The following CRHR1 variants were observed in gnomAD, a reference collection of about 807,000 sequenced individuals.
CRHR1 encodes the protein corticotropin releasing hormone receptor 1.
A neutral mutation model predicts 56.0 loss-of-function variants in CRHR1; 28 were observed. The ratio of observed to expected loss-of-function variants is 0.50; its 90% CI spans 0.37 to 0.69. The LOEUF is 0.69. CRHR1 is among the 30% of genes least tolerant of loss of function. The pLI is 0.00. For synonymous variants in CRHR1, 195 were observed against 216.5 expected, an observed-to-expected ratio of 0.90 and a Z score of 0.87; for missense variants, 376 against 548.0, an observed-to-expected ratio of 0.69 and a Z score of 3.13.
At chr17:45,817,230 G>A (rs995606053) in intron 3 of CRHR1, among the ~76,000 whole-genome samples, 22 of 151,102 alleles carry the variant, frequency 1.5e-4, no homozygotes, top group Admixed American at 8.5e-4. Flanking sequence ...CTGCTATTCC[G>A]CCTGCCACTC....
chr17:45,820,020 G>A (rs1231419703), intron 3 of CRHR1, among the ~76,000 whole-genome samples: 2 of 152,188 alleles, frequency 1.3e-5, no homozygotes, highest in East Asian at 1.9e-4. Context: ...CAGTCATGCA[G>A]CACGGCAGCA....
intron 4 of CRHR1, among the ~76,000 whole-genome samples, chr17:45,828,479 G>A (rs2062216281): frequency 6.6e-6 from 1 of 152,206 alleles, no homozygotes; most frequent in Non-Finnish European, 1.5e-5. Flanking sequence ...ACCACTCTTG[G>A]AACTCAAGAT....
intron 4 of CRHR1, among the ~76,000 whole-genome samples, chr17:45,823,495 C>T (rs1260930743): frequency 6.6e-6 from 1 of 150,814 alleles, no homozygotes; most frequent in Non-Finnish European, 1.5e-5. Flanking sequence ...GCAACCTCCA[C>T]CTCCCTGGTT....
chr17:45,829,615 T>C, intron 5 of CRHR1: 1 of 1,550,858 alleles, frequency 6.4e-7, no homozygotes, highest in Non-Finnish European at 8.7e-7. Context: ...AGGTGGGGGC[T>C]CCATGGAGTG....
At chr17:45,821,480 G>C in intron 4 of CRHR1, 40 bp downstream of exon 4, 3 of 1,567,200 alleles carry the variant, frequency 1.9e-6, no homozygotes, top group Non-Finnish European at 2.6e-6. Context: ...ATGGAGGGGA[G>C]TCCAGGGTCC....
chr17:45,820,743 C>T (rs2062022433), intron 3 of CRHR1, among the ~76,000 whole-genome samples: 1 of 152,172 alleles, frequency 6.6e-6, no homozygotes, highest in South Asian at 2.1e-4. Context: ...CCAACACAGG[C>T]CCGCTATGGG....
At chr17:45,792,470 A>C (rs2061443823) in intron 1 of CRHR1, among the ~76,000 whole-genome samples, 1 of 150,974 alleles carries the variant, frequency 6.6e-6, no homozygotes, top group Non-Finnish European at 1.5e-5. Flanking sequence ...CTTGCTCCTC[A>C]CTCCTGGCCC....
At chr17:45,786,165 T>C (rs1431805958) in intron 1 of CRHR1, among the ~76,000 whole-genome samples, 1 of 150,066 alleles carries the variant, frequency 6.7e-6, no homozygotes, top group African/African-American at 2.5e-5. Flanking sequence ...AATAGATCAA[T>C]GTTCTTTTTC....
chr17:45,829,947 G>C (rs768125606), intron 5 of CRHR1, 147 bp from the exon 6 acceptor site: 6 of 1,297,930 alleles, frequency 4.6e-6, no homozygotes, highest in Non-Finnish European at 5.4e-6. Context: ...GAGCCTGGCT[G>C]TCACCTCCCT....
At chr17:45,830,327 T>A in intron 6 of CRHR1, 90 bp from the exon 7 acceptor site, 17 of 1,577,042 alleles carry the variant, frequency 1.1e-5, no homozygotes, top group Non-Finnish European at 1.1e-5. Flanking sequence ...TCCCAGGGTA[T>A]GCCCTGTCCT....
At chr17:45,793,477 C>T (rs978248034) in intron 1 of CRHR1, among the ~76,000 whole-genome samples, 1 of 152,164 alleles carries the variant, frequency 6.6e-6, no homozygotes, top group Non-Finnish European at 1.5e-5. Context: ...TGGTGCTGTC[C>T]TGGTTCTGCT....
chr17:45,833,693 T>TGGGGGGGGGGCCCCCCC, intron 10 of CRHR1, 21 bp from the exon 11 acceptor site: 2 of 1,571,590 alleles, frequency 1.3e-6, no homozygotes, highest in Non-Finnish European at 1.7e-6. Flanking sequence ...ACTCCGAGCC[T>TGGGGGGGGGGCCCCCCC]CCCCACCCGC....
chr17:45,830,176 C>A lies in CRHR1; in HGVS notation c.517C>A (p.Gln173Lys). The A allele has an allele frequency of 6.2e-7, 1 of 1,614,158 alleles. No homozygotes were observed. The highest frequency in any genetic ancestry group is 1.3e-5 in the African/African-American group (1 of 75,048). ...ILRNATWFVV[Q>K]LTMSPEVHQS... ...GCGCAACGCCACCTGGTTCGTGGTC[C>A]AGCTAACCATGAGCCCCGAGGTCCA... The change falls in exon 6 of 13, where the codon CAG becomes AAG. Residue 173 changes from glutamine to lysine, a missense_variant. Physicochemically the swap from Gln to Lys is moderately conservative, Grantham distance 53 (BLOSUM62 1). Coordinates refer to ENST00000314537, the MANE Select transcript of CRHR1 (RefSeq NM_004382.5).
intron 1 of CRHR1, among the ~76,000 whole-genome samples, chr17:45,793,228 G>A (rs374050079): frequency 3.9e-5 from 6 of 152,238 alleles, no homozygotes; most frequent in African/African-American, 9.6e-5. Flanking sequence ...TTCCGCCTCC[G>A]GTCCCCATAG....
intron 4 of CRHR1, 58 bp from the exon 5 acceptor site, chr17:45,829,157 T>G (rs1291577913): frequency 5.8e-6 from 8 of 1,383,602 alleles, no homozygotes; most frequent in Non-Finnish European, 6.1e-6. Context: ...GGCGATGTCC[T>G]CACAGAGCAG....
At chr17:45,785,703 C>G (rs1439946687) in intron 1 of CRHR1, among the ~76,000 whole-genome samples, 2 of 152,200 alleles carry the variant, frequency 1.3e-5, no homozygotes, top group African/African-American at 2.4e-5. Flanking sequence ...ACCAACTGTA[C>G]GTATACCGGC....
chr17:45,816,545 C>T lies in CRHR1; in HGVS notation c.204C>T (p.Cys68=), dbSNP rs768850949. 1 of 1,614,110 alleles carries T rather than the reference C, an allele frequency of 6.2e-7. No individual in the cohort carries two copies. The highest frequency in any genetic ancestry group is 8.5e-7 in the Non-Finnish European group (1 of 1,180,020). The change falls in exon 3 of 13, where the codon TGC becomes TGT. Residue 68 remains cysteine (C), a synonymous_variant. Coordinates refer to ENST00000314537, the MANE Select transcript of CRHR1 (RefSeq NM_004382.5). ...SPAGQLVVRP[C]PAFFYGVRYN... is the part of the protein sequence containing the mutation. ...CGGGGCAGCTAGTGGTTCGGCCCTG[C>T]CCTGCCTTTTTCTATGGTGTCCGCT...
intron 3 of CRHR1, among the ~76,000 whole-genome samples, chr17:45,818,266 G>C (rs1410205592): frequency 6.6e-6 from 1 of 152,242 alleles, no homozygotes; most frequent in Admixed American, 6.5e-5. Flanking sequence ...CGGCCAGGCT[G>C]TCTGTGGTCA....
rs886858517 is a variant in CRHR1, at chr17:45,806,150, C to A, written c.34-860C>A. On this transcript the variant is annotated intron_variant, in intron 1 of 12. Coordinates refer to ENST00000314537, the MANE Select transcript of CRHR1 (RefSeq NM_004382.5). ...ACTCGGCCTCTCTCTTGACTCTAAC[C>A]CTGTCGGGAGGGGGGTAATGCGATG... Among the ~76,000 whole-genome samples the A allele has an allele frequency of 4.6e-5, 7 of 152,274 alleles. No individual in the cohort carries two copies. The South Asian group carries it at 1.5e-3, about 32-fold the overall frequency.
Sources: gnomAD v4.1 joint callset for allele counts (sites outside exome capture counted in the v4.1 genomes callset) on GRCh38, gnomAD v4.1.1 for gene constraint, MANE v1.5 for transcripts, NCBI Gene and HGNC (gene_info 2026-07-23, HGNC 2026-07-21) for gene names.